The following FEZ1 variants were observed in gnomAD, a reference collection of about 807,000 sequenced individuals.
FEZ1 encodes fasciculation and elongation protein zeta 1, also known as fasciculation and elongation protein zeta-1.
A neutral mutation model predicts 49.3 loss-of-function variants in FEZ1; 20 were observed. The ratio of observed to expected loss-of-function variants is 0.41; its 90% CI spans 0.29 to 0.59. The LOEUF is 0.59. FEZ1 is among the 20% of genes least tolerant of loss of function. The pLI is 0.36. For synonymous variants in FEZ1, 170 were observed against 180.9 expected, an observed-to-expected ratio of 0.94 and a Z score of 0.48; for missense variants, 413 against 476.0, an observed-to-expected ratio of 0.87 and a Z score of 1.23.
chr11:125,452,474 AG>A, intron 7 of FEZ1, 65 bp from the exon 8 acceptor site: 1 of 1,063,092 alleles, frequency 9.4e-7, no homozygotes, highest in African/African-American at 1.6e-5. Flanking sequence ...GTTGAGATTT[AG>A]CCTTTCTCTA....
intron 2 of FEZ1, among the ~76,000 whole-genome samples, chr11:125,484,951 G>A (rs905987070): frequency 6.6e-6 from 1 of 152,160 alleles, no homozygotes; most frequent in Non-Finnish European, 1.5e-5. Flanking sequence ...GGGAAGGGCT[G>A]TCTATCCCAT....
intron 8 of FEZ1, among the ~76,000 whole-genome samples, chr11:125,448,892 G>A (rs191416245): frequency 6.9e-4 from 105 of 151,890 alleles, no homozygotes; most frequent in African/African-American, 2.3e-3. Flanking sequence ...AAAAAAGATA[G>A]CTGGGTGTGG....
intron 6 of FEZ1, chr11:125,454,415 C>G (rs1224532716): frequency 2.4e-6 from 1 of 425,530 alleles, no homozygotes; most frequent in Non-Finnish European, 4.1e-6. Context: ...GAACTCTTAT[C>G]TTAGTAAGTC....
chr11:125,495,088 A>G lies in FEZ1; in HGVS notation c.-46+1033T>C. On this transcript the variant is annotated intron_variant, in intron 1 of 9. Coordinates refer to ENST00000278919, the MANE Select transcript of FEZ1 (RefSeq NM_005103.5). This position sits in a 1 kb window ranked among gnomAD's most constrained non-coding sequence, Gnocchi z 4.2. ...TGACAGAAAAAGTATTTCGTTGCAT[A>G]TGGATCAGCAACCCCTTCGCGGTTC... is the stretch of plus-strand genomic sequence containing the variant. 1 of 337,986 alleles carries G rather than the reference A, an allele frequency of 3.0e-6. No individual in the cohort carries two copies. Among genetic ancestry groups the G allele is most frequent in the Non-Finnish European group, 6.0e-6 (1 of 167,754 alleles). 20.9% of individuals were successfully genotyped at this position (337,986 alleles called of 1,614,324 possible).
intron 2 of FEZ1, among the ~76,000 whole-genome samples, chr11:125,483,314 A>G (rs758487519): frequency 4.1e-4 from 63 of 152,318 alleles, no homozygotes; most frequent in Non-Finnish European, 7.9e-4. Context: ...AACAAATAGA[A>G]GGAACCCAAG....
Position 125,448,529 on chromosome 11 carries a change from T to C in FEZ1, c.1135A>G (p.Thr379Ala). 6.2e-7 allele frequency: 1 copy of C among 1,612,506 alleles called. No individual in the cohort carries two copies. The highest frequency in any genetic ancestry group is 8.5e-7 in the Non-Finnish European group (1 of 1,178,572). ...AMKEDNEKVP[T>A]LLTDYILKVL... is the part of the protein sequence containing the mutation. ...TTTAAAATGTAGTCCGTTAGCAAAGTAGGCACCTTCTCATTATCCTCCTTC... is the reference window on the plus strand; with the variant it reads ...TTTAAAATGTAGTCCGTTAGCAAAGCAGGCACCTTCTCATTATCCTCCTTC... Residue 379 changes from threonine to alanine, a missense_variant, in exon 9 of 10, where the codon ACT becomes GCT. Thr to Ala is a moderately conservative substitution (Grantham distance 58). Coordinates refer to ENST00000278919, the MANE Select transcript of FEZ1 (RefSeq NM_005103.5).
intron 5 of FEZ1, among the ~76,000 whole-genome samples, chr11:125,458,250 G>C (rs1307898805): frequency 1.3e-5 from 2 of 152,170 alleles, no homozygotes; most frequent in Non-Finnish European, 2.9e-5. Context: ...TCCCTCCCCT[G>C]TTTCTAAGTT....
At position 125,486,290 on chromosome 11, in the gene FEZ1, C is replaced by T. The variant is rs73628442; in HGVS notation, c.311+3177G>A. On this transcript the variant is annotated intron_variant, in intron 2 of 9. Coordinates refer to ENST00000278919, the MANE Select transcript of FEZ1 (RefSeq NM_005103.5). ...GAGGGCTGATAGGGATCCCCAGTGA[C>T]GTAGGAGGTAAGCTGAGGGCCGTCA... Among the ~76,000 whole-genome samples, 756 of 152,188 alleles carry T rather than the reference C, an allele frequency of 5.0e-3. 7 individuals carry two copies. The highest frequency in any genetic ancestry group is 0.017 in the African/African-American group (701 of 41,526).
chr11:125,484,652 G>C (rs1487523500), intron 2 of FEZ1, among the ~76,000 whole-genome samples: 3 of 135,534 alleles, frequency 2.2e-5, no homozygotes, highest in Non-Finnish European at 4.6e-5. Context: ...TGGGCAACAA[G>C]AGTGAAACTC....
Position 125,442,984 on chromosome 11 carries a change from C to T in FEZ1, c.*3111G>A, listed in dbSNP as rs1956869715. Among the ~76,000 whole-genome samples, 2 of 152,134 alleles carry T rather than the reference C, an allele frequency of 1.3e-5. No individual in the cohort carries two copies. The highest frequency in any genetic ancestry group is 6.5e-5 in the Admixed American group (1 of 15,276). On this transcript the variant is annotated 3_prime_UTR_variant, in exon 10 of 10. Transcript: ENST00000278919. ...CTCCTGACCTCAGGTGATCTGCCCACCTCGGCCTCCCAAAGTTCTGGGATT... is the reference window on the plus strand; with the variant it reads ...CTCCTGACCTCAGGTGATCTGCCCATCTCGGCCTCCCAAAGTTCTGGGATT...
chr11:125,444,813 T>TG lies in FEZ1; in HGVS notation c.*1281dup, dbSNP rs946704841. On this transcript the variant is annotated 3_prime_UTR_variant, in exon 10 of 10. Coordinates refer to ENST00000278919, the MANE Select transcript of FEZ1 (RefSeq NM_005103.5). The stretch of plus-strand genomic sequence containing the variant: ...GACTCTACCACTTCCTACACAGCCT[T>TG]GGGCGAGCTACTGAACATCTCTGCT... Among the ~76,000 whole-genome samples, 4 of 152,226 alleles carry TG rather than the reference T, an allele frequency of 2.6e-5. No individual in the cohort carries two copies. The highest frequency in any genetic ancestry group is 9.6e-5 in the African/African-American group (4 of 41,464).
chr11:125,489,791 G>A lies in FEZ1; in HGVS notation c.-14C>T, dbSNP rs375797209. The A allele has an allele frequency of 5.3e-6, 8 of 1,520,840 alleles. No homozygotes were observed. The African/African-American group carries it at 1.1e-4, about 21-fold the overall frequency. The allele number at this position is 1,520,840 out of a possible 1,614,324, so 94.2% of individuals were successfully genotyped here. A position where few individuals can be genotyped will look rare whatever the true frequency, so the allele number is the denominator to read the frequency against. ...TGGGGCCTCCATTCTTGCTCAGCAGGAGAACAACAGCGACTTTCAGGATGA... is the reference window on the plus strand; with the variant it reads ...TGGGGCCTCCATTCTTGCTCAGCAGAAGAACAACAGCGACTTTCAGGATGA... On this transcript the variant is annotated 5_prime_UTR_variant, in exon 2 of 10. Transcript: ENST00000278919. This position sits in a 1 kb window ranked among gnomAD's most constrained non-coding sequence, Gnocchi z 4.2.
At position 125,456,181 on chromosome 11, in the gene FEZ1, C is replaced by G. The variant is rs1023228715; in HGVS notation, c.668-75G>C. 3 of 1,404,076 alleles carry G rather than the reference C, an allele frequency of 2.1e-6. No homozygotes were observed. In the African/African-American group the frequency reaches 4.3e-5, roughly 20 times the overall value. The allele number at this position is 1,404,076 out of a possible 1,614,324, so 87.0% of individuals were successfully genotyped here. On this transcript the variant is annotated intron_variant, in intron 5 of 9. Transcript: ENST00000278919. Reference sequence around the variant, plus strand: ...CCGCTGGGGAGGCTCCTGGGGCCACCACCAATCAAGATGGGACTGCCCCTC... The same window carrying G: ...CCGCTGGGGAGGCTCCTGGGGCCACGACCAATCAAGATGGGACTGCCCCTC...
chr11:125,493,471 AAGGAAAGAAG>A (rs1565307168), intron 1 of FEZ1, among the ~76,000 whole-genome samples: 1,128 of 90,674 alleles, frequency 0.012, 41 homozygotes, highest in Non-Finnish European at 0.014. Flanking sequence ...AGAAGGAAAG[AAGGAAAGAAG>A]GAAAGAAGGA....
intron 3 of FEZ1, among the ~76,000 whole-genome samples, chr11:125,474,856 C>A (rs1387689937): frequency 6.6e-6 from 1 of 151,940 alleles, no homozygotes; most frequent in Admixed American, 6.6e-5. Flanking sequence ...CCACTGCACT[C>A]CAGCCTGGGT....
intron 1 of FEZ1, among the ~76,000 whole-genome samples, chr11:125,494,274 A>G (rs910565709): frequency 1.3e-5 from 2 of 152,198 alleles, no homozygotes; most frequent in Non-Finnish European, 2.9e-5. Flanking sequence ...TGGCCCCACT[A>G]TAGCCTCCAG....
At chr11:125,490,806 C>T (rs996886771) in intron 1 of FEZ1, among the ~76,000 whole-genome samples, 3 of 152,064 alleles carry the variant, frequency 2.0e-5, no homozygotes, top group African/African-American at 7.2e-5. Context: ...ACTCTGTGGC[C>T]CAGGCTGGAG....
intron 6 of FEZ1, 159 bp downstream of exon 6, chr11:125,455,676 G>A: frequency 1.3e-6 from 1 of 746,030 alleles, no homozygotes; most frequent in Non-Finnish European, 2.4e-6. Context: ...GGAGATAGGT[G>A]ATATCTTCTC....
chr11:125,495,980 C>T lies in FEZ1; in HGVS notation c.-46+141G>A. ...GCCTCCCGTTGTTCCTTTCTAATCC[C>T]AGAATGGGACCAGGTGAGGGGAGCT... On this transcript the variant is annotated intron_variant, in intron 1 of 9. Coordinates refer to ENST00000278919, the MANE Select transcript of FEZ1 (RefSeq NM_005103.5). This position sits in a 1 kb window ranked among gnomAD's most constrained non-coding sequence, Gnocchi z 4.2. 4.5e-6 allele frequency: 1 copy of T among 221,056 alleles called. No individual in the cohort carries two copies. The highest frequency in any genetic ancestry group is 6.0e-5 in the South Asian group (1 of 16,800). The allele number at this position is 221,056 out of a possible 1,614,324, so 13.7% of individuals were successfully genotyped here.
Sources: gnomAD v4.1 joint callset for allele counts (sites outside exome capture counted in the v4.1 genomes callset) on GRCh38, gnomAD v4.1.1 for gene constraint, Gnocchi (gnomAD v3.1) non-coding constraint, MANE v1.5 for transcripts, NCBI Gene and HGNC (gene_info 2026-07-23, HGNC 2026-07-21) for gene names.